DLX2: variants seen among roughly 807,000 people sequenced by gnomAD.
The protein encoded by DLX2 is homeobox protein DLX-2.
A neutral mutation model predicts 27.4 loss-of-function variants in DLX2; 8 were observed. That is an observed-to-expected ratio of 0.29 (90% confidence interval 0.17 to 0.53). DLX2 has a LOEUF of 0.53. Ranked by LOEUF, DLX2 falls within the 20% of genes least tolerant of loss-of-function variation. The pLI, the probability that DLX2 is intolerant of heterozygous loss-of-function variation, is 0.96. For synonymous variants in DLX2, 210 were observed against 200.8 expected, an observed-to-expected ratio of 1.05 and a Z score of -0.39; for missense variants, 421 against 450.9, an observed-to-expected ratio of 0.93 and a Z score of 0.60.
chr2:172,101,748 T>C (rs1574163112), intron 1 of DLX2, 102 bp from the exon 2 acceptor site: 1 of 1,282,378 alleles, frequency 7.8e-7, no homozygotes. Context: ...AGCAAAGAGG[T>C]GGGTGCACTG....
intron 1 of DLX2, 150 bp from the exon 2 acceptor site, chr2:172,101,796 G>A: frequency 1.1e-6 from 1 of 934,092 alleles, no homozygotes; most frequent in Non-Finnish European, 1.6e-6. Context: ...TTCGCAGCGT[G>A]CGATCGGAGC....
Position 172,100,810 on chromosome 2 carries a change from G to T in DLX2, c.720C>A (p.Ser240=). The change falls in exon 3 of 3, where the codon TCC becomes TCA. Residue 240 remains serine, a synonymous_variant. Coordinates refer to ENST00000234198, the MANE Select transcript of DLX2 (RefSeq NM_004405.4). The surrounding 1 kb of genome is among the most constrained non-coding windows in gnomAD (Gnocchi z 4.5). ...TCCGCTGCGGCACACCAAAGTCCCA[G>T]GAGGCCGGCGCTGAGACTGGCGGCG... ...CASPPVSAPA[S]WDFGVPQRMA... 6.2e-7 allele frequency: 1 copy of T among 1,607,492 alleles called. No individual in the cohort carries two copies. The highest frequency in any genetic ancestry group is 2.2e-5 in the East Asian group (1 of 44,640).
Position 172,102,546 on chromosome 2 carries a change from C to G in DLX2, c.-8G>C. ...GTCAAAGACTCCAGTCATCCTGGCC[C>G]GAGACGGGAAAGAGCAGAGGTGGCG... On this transcript the variant is annotated 5_prime_UTR_variant, in exon 1 of 3. Coordinates refer to ENST00000234198, the MANE Select transcript of DLX2 (RefSeq NM_004405.4). The G allele has an allele frequency of 1.3e-6, 2 of 1,522,002 alleles. No individual in the cohort carries two copies. Among genetic ancestry groups the G allele is most frequent in the Non-Finnish European group, 1.8e-6 (2 of 1,136,044 alleles). The allele number at this position is 1,522,002 out of a possible 1,614,324, so 94.3% of individuals were successfully genotyped here. A position where few individuals can be genotyped will look rare whatever the true frequency, so the allele number is the denominator to read the frequency against.
Position 172,100,474 on chromosome 2 carries a change from C to G in DLX2, c.*69G>C. 6.8e-7 allele frequency: 1 copy of G among 1,459,962 alleles called. No individual in the cohort carries two copies. Among genetic ancestry groups the G allele is most frequent in the Non-Finnish European group, 9.1e-7 (1 of 1,104,624 alleles). 90.4% of individuals were successfully genotyped at this position (1,459,962 alleles called of 1,614,324 possible). On this transcript the variant is annotated 3_prime_UTR_variant, in exon 3 of 3. Transcript: ENST00000234198. The surrounding 1 kb of genome is among the most constrained non-coding windows in gnomAD (Gnocchi z 4.5). ...GCGGCAGCGGGCCGGGAGGAGGGAA[C>G]CCCGGCTCGGGGTAAGCAATGAGGA...
At position 172,099,681 on chromosome 2, in the gene DLX2, AC is replaced by A. The variant is rs1574161809; in HGVS notation, c.*861del. 1 of 152,658 alleles carries A rather than the reference AC, an allele frequency of 6.6e-6. No individual in the cohort carries two copies. Among genetic ancestry groups the A allele is most frequent in the East Asian group, 1.9e-4 (1 of 5,196 alleles). 9.5% of individuals were successfully genotyped at this position (152,658 alleles called of 1,614,324 possible). ...CTGCAGTTTTCACAACTGGGGGTTT[AC>A]AAAAAAGTCTGAAAAGATGAGTATT... On this transcript the variant is annotated 3_prime_UTR_variant, in exon 3 of 3. Coordinates refer to ENST00000234198, the MANE Select transcript of DLX2 (RefSeq NM_004405.4).
chr2:172,101,720 CG>C (rs1007993070), intron 1 of DLX2, 74 bp from the exon 2 acceptor site: 14 of 1,491,290 alleles, frequency 9.4e-6, no homozygotes, highest in East Asian at 2.3e-5. Context: ...GAGGGCCCGG[CG>C]GGGGGGACTT....
In DLX2 at chr2:172,102,268, G is replaced by T. The variant is rs762068836; in HGVS notation, c.271C>A (p.Gln91Lys). 6.2e-7 allele frequency: 1 copy of T among 1,614,104 alleles called. No homozygotes were observed. The highest frequency in any genetic ancestry group is 1.7e-5 in the Admixed American group (1 of 60,016). Residue 91 changes from glutamine (Q) to lysine (K), a missense_variant, in exon 1 of 3, where the codon CAG becomes AAG. By Grantham distance (53) the Gln-to-Lys change is moderately conservative. Around this residue, in one of 5 missense-constraint regions of DLX2, gnomAD observed 141 missense variants for 123.5 expected, o/e 1.14. Transcript: ENST00000234198. ...GSPYAHMGSYQYQASGLNNVP... is the reference protein window; with the variant it reads ...GSPYAHMGSYKYQASGLNNVP... ...TTGTTGAGGCCGCTGGCTTGGTACT[G>T]GTAGGAACCCATGTGCGCGTAGGGC...
At position 172,102,451 on chromosome 2, in the gene DLX2, G is replaced by T. The variant is rs928131621; in HGVS notation, c.88C>A (p.Pro30Thr). The T allele has an allele frequency of 3.2e-5, 50 of 1,549,750 alleles. No homozygotes were observed. The highest frequency in any genetic ancestry group is 1.9e-4 in the Middle Eastern group (1 of 5,312). ...CCCGGGCCGGCGCCGCCGCCGCTCG[G>T]GGGCTGCTGGTGCTGGTGGTACGTG... ...SSTYHQHQQPPSGGGAGPGGN... is the reference protein window; with the variant it reads ...SSTYHQHQQPTSGGGAGPGGN... The change falls in exon 1 of 3, where the codon CCG becomes ACG. Residue 30 changes from proline to threonine, a missense_variant. Physicochemically the swap from Pro to Thr is conservative, Grantham distance 38. Coordinates refer to ENST00000234198, the MANE Select transcript of DLX2 (RefSeq NM_004405.4).
Position 172,100,857 on chromosome 2 carries a change from T to C in DLX2, c.673A>G (p.Ser225Gly), listed in dbSNP as rs769618009. 19 of 1,612,770 alleles carry C rather than the reference T, an allele frequency of 1.2e-5. No individual in the cohort carries two copies. The South Asian group carries it at 2.0e-4, about 17-fold the overall frequency. The change falls in exon 3 of 3, where the codon AGC (serine) becomes GGC (glycine). Residue 225 changes from serine to glycine, a missense_variant. Physicochemically the swap from Ser to Gly is moderately conservative, Grantham distance 56. Around this residue, in one of 5 missense-constraint regions of DLX2, gnomAD observed 185 missense variants for 171.1 expected, o/e 1.08. Transcript: ENST00000234198. The surrounding 1 kb of genome is among the most constrained non-coding windows in gnomAD (Gnocchi z 4.5). ...GGCGAAGCACAAGGTGGAGAAGCGC[T>C]GGCCCCAGGGTGCTGCTCCGAGGGG... is the stretch of plus-strand genomic sequence containing the variant. ...EIPSEQHPGA[S>G]ASPPCASPPV... is the part of the protein sequence containing the mutation.
chr2:172,100,159 G>A lies in DLX2; in HGVS notation c.*384C>T. On this transcript the variant is annotated 3_prime_UTR_variant, in exon 3 of 3. Coordinates refer to ENST00000234198, the MANE Select transcript of DLX2 (RefSeq NM_004405.4). This position sits in a 1 kb window ranked among gnomAD's most constrained non-coding sequence, Gnocchi z 4.5. Reference sequence around the variant, plus strand: ...GGCGAGGAGAAAGAAGCCTCAGAGCGCCCGGGAAGCCTCGCGCGCCTGGGA... The same window carrying A: ...GGCGAGGAGAAAGAAGCCTCAGAGCACCCGGGAAGCCTCGCGCGCCTGGGA... The A allele has an allele frequency of 5.5e-6, 1 of 181,142 alleles. No individual in the cohort carries two copies. Among genetic ancestry groups the A allele is most frequent in the Non-Finnish European group, 1.1e-5 (1 of 87,436 alleles). 11.2% of individuals were successfully genotyped at this position (181,142 alleles called of 1,614,324 possible).
Position 172,100,624 on chromosome 2 carries a change from G to T in DLX2, c.906C>A (p.Pro302=). Residue 302 remains proline, a synonymous_variant, in exon 3 of 3, where the codon CCC becomes CCA. Transcript: ENST00000234198. The surrounding 1 kb of genome is among the most constrained non-coding windows in gnomAD (Gnocchi z 4.5). ...HLQATAPLLH[P]TQTPQPHHHH... is the part of the protein sequence containing the mutation. ...GGTGATGCGGCTGCGGGGTCTGAGTGGGGTGCAGCAGCGGCGCCGTGGCCT... is the reference window on the plus strand; with the variant it reads ...GGTGATGCGGCTGCGGGGTCTGAGTTGGGTGCAGCAGCGGCGCCGTGGCCT... 1 of 1,571,038 alleles carries T rather than the reference G, an allele frequency of 6.4e-7. No individual in the cohort carries two copies.
chr2:172,101,400 C>T (rs1438770144), intron 2 of DLX2, 62 bp downstream of exon 2: 8 of 1,487,256 alleles, frequency 5.4e-6, no homozygotes, highest in Non-Finnish European at 7.3e-6. Flanking sequence ...GTCCTAAACC[C>T]GCCTGCTTCC....
In DLX2 at chr2:172,101,485, A is replaced by G. The variant is rs2105533271; in HGVS notation, c.562T>C (p.Ser188Pro). ...ACCTGAGTCTGGGTGAGGCCCAGAG[A>G]GGCCGCCAGCTCGGCTCGCTCCGGC... is the stretch of plus-strand genomic sequence containing the variant. ...ALPERAELAASLGLTQTQVKI... is the reference protein window; with the variant it reads ...ALPERAELAAPLGLTQTQVKI... The change falls in exon 2 of 3, where the codon TCT becomes CCT. Residue 188 changes from serine (S) to proline (P), a missense_variant. Around this residue, in one of 5 missense-constraint regions of DLX2, gnomAD observed 36 missense variants for 73.6 expected, o/e 0.49. Coordinates refer to ENST00000234198, the MANE Select transcript of DLX2 (RefSeq NM_004405.4). The G allele has an allele frequency of 6.2e-7, 1 of 1,609,162 alleles. No homozygotes were observed. Among genetic ancestry groups the G allele is most frequent in the Non-Finnish European group, 8.5e-7 (1 of 1,177,646 alleles).
chr2:172,099,769 C>T lies in DLX2; in HGVS notation c.*774G>A, dbSNP rs1266987402. On this transcript the variant is annotated 3_prime_UTR_variant, in exon 3 of 3. Transcript: ENST00000234198. Reference sequence around the variant, plus strand: ...CACCTTTATTTACAAACTCTGTGTCCAAGTCCAGGCTAATAATCCTGAATA... The same window carrying T: ...CACCTTTATTTACAAACTCTGTGTCTAAGTCCAGGCTAATAATCCTGAATA... 1.3e-5 allele frequency: 2 copies of T among 152,452 alleles called. No individual in the cohort carries two copies. Among genetic ancestry groups the T allele is most frequent in the African/African-American group, 4.8e-5 (2 of 41,388 alleles). 9.4% of individuals were successfully genotyped at this position (152,452 alleles called of 1,614,324 possible).
chr2:172,102,682 C>A lies in DLX2; in HGVS notation c.-144G>T, dbSNP rs969602363. 3 of 782,448 alleles carry A rather than the reference C, an allele frequency of 3.8e-6. No homozygotes were observed. The highest frequency in any genetic ancestry group is 1.8e-5 in the African/African-American group (1 of 55,074). 48.5% of individuals were successfully genotyped at this position (782,448 alleles called of 1,614,324 possible). A position where few individuals can be genotyped will look rare whatever the true frequency, so the allele number is the denominator to read the frequency against. ...ACAAGAAAGGAGGCAACCGTCTAGG[C>A]GCCTCCTCCTCCGGGGGAGGCGATC... On this transcript the variant is annotated 5_prime_UTR_variant, in exon 1 of 3. Transcript: ENST00000234198.
Position 172,102,757 on chromosome 2 carries a change from T to G in DLX2, c.-219A>C, listed in dbSNP as rs1691189352. 2 of 423,152 alleles carry G rather than the reference T, an allele frequency of 4.7e-6. No individual in the cohort carries two copies. The highest frequency in any genetic ancestry group is 8.2e-6 in the Non-Finnish European group (2 of 243,980). The allele number at this position is 423,152 out of a possible 1,614,324, so 26.2% of individuals were successfully genotyped here. A position where few individuals can be genotyped will look rare whatever the true frequency, so the allele number is the denominator to read the frequency against. On this transcript the variant is annotated 5_prime_UTR_variant, in exon 1 of 3. Transcript: ENST00000234198. ...CCTCTGGTCGCATCCTCTTTCGGCC[T>G]CTGGGCCCGCTCGGCTCCTTGCCCA...
chr2:172,101,723 G>T, intron 1 of DLX2, 77 bp from the exon 2 acceptor site: 1 of 1,486,064 alleles, frequency 6.7e-7, no homozygotes, highest in Non-Finnish European at 9.2e-7. Flanking sequence ...GGCCCGGCGG[G>T]GGGGACTTGG....
In DLX2 at chr2:172,100,616, G is replaced by A; in HGVS notation, c.914C>T (p.Thr305Ile). The A allele has an allele frequency of 6.4e-7, 1 of 1,572,760 alleles. No individual in the cohort carries two copies. The highest frequency in any genetic ancestry group is 1.2e-5 in the South Asian group (1 of 85,710). ...GTGGTGGTGGTGATGCGGCTGCGGG[G>A]TCTGAGTGGGGTGCAGCAGCGGCGC... ...ATAPLLHPTQ[T>I]PQPHHHHHHH... The change falls in exon 3 of 3, where the codon ACC becomes ATC. Residue 305 changes from threonine to isoleucine, a missense_variant. Coordinates refer to ENST00000234198, the MANE Select transcript of DLX2 (RefSeq NM_004405.4). This position sits in a 1 kb window ranked among gnomAD's most constrained non-coding sequence, Gnocchi z 4.5.
At position 172,100,393 on chromosome 2, in the gene DLX2, G is replaced by T. The variant is rs1230325983; in HGVS notation, c.*150C>A. The stretch of plus-strand genomic sequence containing the variant: ...AGGGGCCCGTTTGGTGGCCCCGGGA[G>T]TGAGCAGGGCCTGAGACGGGCCACT... On this transcript the variant is annotated 3_prime_UTR_variant, in exon 3 of 3. Coordinates refer to ENST00000234198, the MANE Select transcript of DLX2 (RefSeq NM_004405.4). This position sits in a 1 kb window ranked among gnomAD's most constrained non-coding sequence, Gnocchi z 4.5. The T allele has an allele frequency of 2.9e-5, 24 of 831,450 alleles. No homozygotes were observed. In the East Asian group the frequency reaches 7.7e-4, roughly 27 times the overall value. The allele number at this position is 831,450 out of a possible 1,614,324, so 51.5% of individuals were successfully genotyped here.
Sources: allele counts gnomAD v4.1 joint callset, GRCh38; gene constraint gnomAD v4.1.1; regional missense constraint gnomAD v4.1.1; non-coding constraint Gnocchi (gnomAD v3.1); transcripts MANE v1.5; gene names NCBI Gene and HGNC (gene_info 2026-07-23, HGNC 2026-07-21).